CLCN3: variants seen among roughly 807,000 people sequenced by gnomAD.
CLCN3 encodes Cl-/H+ antiporter 3, also known as H(+)/Cl(-) exchange transporter 3.
A neutral mutation model predicts 83.4 loss-of-function variants in CLCN3; 16 were observed. The observed-to-expected ratio is 0.19, with a 90% confidence interval of 0.13 to 0.29. The LOEUF (loss-of-function observed/expected upper bound fraction) is 0.29, where lower values mean the gene tolerates loss of function less well. Ranked by LOEUF, CLCN3 falls within the 10% of genes least tolerant of loss-of-function variation. The pLI is 1.00. For missense variants in CLCN3, 544 were observed against 1,006.0 expected (o/e 0.54, Z 6.21); for synonymous variants, 322 against 346.2 (o/e 0.93, Z 0.78).
chr4:169,683,671 G>C (rs1331702389), intron 3 of CLCN3, among the ~76,000 whole-genome samples: 6 of 151,346 alleles, frequency 4.0e-5, no homozygotes, highest in Non-Finnish European at 7.4e-5. Context: ...TTTGATCCAT[G>C]CTTATATGAA....
chr4:169,686,173 T>G (rs1253742940), intron 3 of CLCN3, among the ~76,000 whole-genome samples: 3 of 151,916 alleles, frequency 2.0e-5, no homozygotes, highest in Non-Finnish European at 4.4e-5. Context: ...GGGACTGTTG[T>G]GGGGTCGGGG....
intron 2 of CLCN3, among the ~76,000 whole-genome samples, chr4:169,671,803 T>C (rs1431867894): frequency 6.6e-6 from 1 of 152,140 alleles, no homozygotes; most frequent in African/African-American, 2.4e-5. Context: ...AGGAACTTGC[T>C]TAGTCTTTCC....
intron 3 of CLCN3, among the ~76,000 whole-genome samples, chr4:169,686,672 C>A (rs868251496): frequency 5.3e-5 from 8 of 152,174 alleles, no homozygotes; most frequent in African/African-American, 1.9e-4. Context: ...GCTTCGGACT[C>A]CCAAAGTGCT....
At chr4:169,713,792 G>A (rs897644787) in intron 12 of CLCN3, among the ~76,000 whole-genome samples, 1 of 152,112 alleles carries the variant, frequency 6.6e-6, no homozygotes, top group African/African-American at 2.4e-5. Context: ...TTGTAAATGA[G>A]CTAAAAATCT....
intron 2 of CLCN3, among the ~76,000 whole-genome samples, chr4:169,672,744 A>G (rs879745806): frequency 1.3e-5 from 2 of 151,852 alleles, no homozygotes; most frequent in Non-Finnish European, 2.9e-5. Flanking sequence ...GCTCACTGCA[A>G]CCTTCGCCTC....
chr4:169,668,631 G>C (rs1449795674), intron 2 of CLCN3, among the ~76,000 whole-genome samples: 1 of 152,018 alleles, frequency 6.6e-6, no homozygotes, highest in Non-Finnish European at 1.5e-5. Context: ...CTTTTTTCCA[G>C]TCTTTTTTGT....
At chr4:169,632,883 A>G (rs112371858) in intron 1 of CLCN3, among the ~76,000 whole-genome samples, 19 of 151,568 alleles carry the variant, frequency 1.3e-4, no homozygotes, top group African/African-American at 4.4e-4. Context: ...TACTTTTTGG[A>G]AAAAAAAACT....
intron 1 of CLCN3, among the ~76,000 whole-genome samples, chr4:169,625,959 C>G (rs1399095678): frequency 6.6e-6 from 1 of 152,180 alleles, no homozygotes; most frequent in Non-Finnish European, 1.5e-5. Context: ...CTGGGTGCCC[C>G]CCGGTTCCAA....
intron 1 of CLCN3, among the ~76,000 whole-genome samples, chr4:169,621,311 GAGA>G (rs1299287631): frequency 2.6e-5 from 4 of 152,158 alleles, no homozygotes; most frequent in Non-Finnish European, 5.9e-5. Context: ...TGGGTTCCAG[GAGA>G]AGATTAACTT....
chr4:169,696,073 T>G (rs1732549117), intron 8 of CLCN3, among the ~76,000 whole-genome samples: 1 of 151,852 alleles, frequency 6.6e-6, no homozygotes, highest in African/African-American at 2.4e-5. Context: ...TTTTGTGGGG[T>G]TTTTTTGTTT....
At chr4:169,686,044 A>T (rs1334472241) in intron 3 of CLCN3, among the ~76,000 whole-genome samples, 1 of 152,046 alleles carries the variant, frequency 6.6e-6, no homozygotes, top group Non-Finnish European at 1.5e-5. Flanking sequence ...GAAGCTGGAA[A>T]CCATCATTCT....
At chr4:169,646,838 C>G (rs1364658509) in intron 2 of CLCN3, among the ~76,000 whole-genome samples, 1 of 152,154 alleles carries the variant, frequency 6.6e-6, no homozygotes, top group Non-Finnish European at 1.5e-5. Flanking sequence ...TCATCACACC[C>G]TTTTAGATTT....
At chr4:169,669,565 A>G (rs1370508400) in intron 2 of CLCN3, among the ~76,000 whole-genome samples, 1 of 152,248 alleles carries the variant, frequency 6.6e-6, no homozygotes, top group African/African-American at 2.4e-5. Flanking sequence ...GAAAATGTGC[A>G]TGTGCATTTA....
intron 2 of CLCN3, among the ~76,000 whole-genome samples, chr4:169,661,413 C>T (rs1186042466): frequency 6.6e-6 from 1 of 151,916 alleles, no homozygotes; most frequent in African/African-American, 2.4e-5. Context: ...ATATAATTAG[C>T]CTGCTTTATT....
intron 1 of CLCN3, among the ~76,000 whole-genome samples, chr4:169,633,371 A>G (rs1254812885): frequency 6.6e-6 from 1 of 152,220 alleles, no homozygotes; most frequent in Admixed American, 6.5e-5. Flanking sequence ...ATCTATTACA[A>G]TGTTTTGAAA....
chr4:169,665,667 A>G (rs1378326914), intron 2 of CLCN3, among the ~76,000 whole-genome samples: 1 of 151,794 alleles, frequency 6.6e-6, no homozygotes, highest in Non-Finnish European at 1.5e-5. Flanking sequence ...ATAGGTTGTG[A>G]AGGAATACAT....
At position 169,692,237 on chromosome 4, in the gene CLCN3, C is replaced by T. The variant is rs746177801; in HGVS notation, c.853C>T (p.Leu285=). 1.2e-6 allele frequency: 2 copies of T among 1,613,430 alleles called. No individual in the cohort carries two copies. Among genetic ancestry groups the T allele is most frequent in the Non-Finnish European group, 1.7e-6 (2 of 1,179,428 alleles). ...TTTGAGTTTAGGAAAAGAAGGTCCC[C>T]TGGTACATGTTGCCTGTTGCTGCGG... ...SGLSLGKEGP[L]VHVACCCGNI... Residue 285 remains leucine (L), a synonymous_variant, in exon 7 of 13, where the codon CTG becomes TTG. Transcript: ENST00000513761.
intron 5 of CLCN3, among the ~76,000 whole-genome samples, chr4:169,690,231 C>A (rs1231866578): frequency 6.6e-6 from 1 of 150,610 alleles, no homozygotes. Context: ...CTGCAACCTC[C>A]GCTTCTGGGG....
rs1438073579 is a variant in CLCN3 at position 169,664,047 on chromosome 4, T to C, written c.161-16003T>C. On this transcript the variant is annotated intron_variant, in intron 2 of 12. Coordinates refer to ENST00000513761, the MANE Select transcript of CLCN3 (RefSeq NM_001829.4). ...AGGGGACTCAATAGGGCATTCCTGG[T>C]GGATATAATAAAATGAGTAAATGCG... Among the ~76,000 whole-genome samples, 5 of 152,162 alleles carry C rather than the reference T, an allele frequency of 3.3e-5. No individual in the cohort carries two copies. The East Asian group carries it at 9.6e-4, about 29-fold the overall frequency.
Sources: allele counts gnomAD v4.1 joint callset (sites outside exome capture counted in the v4.1 genomes callset), GRCh38; gene constraint gnomAD v4.1.1; transcripts MANE v1.5; gene names NCBI Gene and HGNC (gene_info 2026-07-23, HGNC 2026-07-21).